ARHGAP31: variants seen among roughly 807,000 people sequenced by gnomAD.
ARHGAP31 encodes rho GTPase-activating protein 31.
ARHGAP31 carries 34 observed loss-of-function variants against 113.9 expected under a neutral mutation model. The observed-to-expected ratio is 0.30, with a 90% CI of 0.23 to 0.40. The LOEUF (loss-of-function observed/expected upper bound fraction) is 0.40. ARHGAP31 is among the 10% of genes least tolerant of loss of function. The pLI is 1.00. For synonymous variants in ARHGAP31, 650 were observed against 684.8 expected, an observed-to-expected ratio of 0.95 and a Z score of 0.79; for missense variants, 1,548 against 1,767.1, an observed-to-expected ratio of 0.88 and a Z score of 2.22.
intron 1 of ARHGAP31, among the ~76,000 whole-genome samples, chr3:119,323,298 A>T (rs2079809784): frequency 6.6e-6 from 1 of 151,684 alleles, no homozygotes; most frequent in South Asian, 2.1e-4. Context: ...CCCCAGGGAC[A>T]GCCGCCGGCC....
rs1255380892 is a variant in ARHGAP31, at chr3:119,349,337, G to A, written c.101-15979G>A. ...AATAGTGTCCAGAAACCTAGACACT[G>A]CAGCAGAGCTTGGTGTCCCATTTTT... On this transcript the variant is annotated intron_variant, in intron 1 of 11. Coordinates refer to ENST00000264245, the MANE Select transcript of ARHGAP31 (RefSeq NM_020754.4). Among the ~76,000 whole-genome samples the A allele has an allele frequency of 2.0e-5, 3 of 152,178 alleles. No homozygotes were observed. In the East Asian group the frequency reaches 5.8e-4, roughly 29 times the overall value.
At chr3:119,357,042 C>T (rs1368039851) in intron 1 of ARHGAP31, among the ~76,000 whole-genome samples, 3 of 152,222 alleles carry the variant, frequency 2.0e-5, no homozygotes, top group African/African-American at 7.2e-5. Context: ...TTCCCATAGC[C>T]TTGCCAACAC....
At chr3:119,412,613 G>A (rs2080726259) in intron 11 of ARHGAP31, among the ~76,000 whole-genome samples, 3 of 152,302 alleles carry the variant, frequency 2.0e-5, no homozygotes, top group South Asian at 4.1e-4. Context: ...TCCCCATCAT[G>A]TTAACAGTGG....
chr3:119,346,296 A>G (rs1227863120), intron 1 of ARHGAP31, among the ~76,000 whole-genome samples: 1 of 152,220 alleles, frequency 6.6e-6, no homozygotes, highest in African/African-American at 2.4e-5. Flanking sequence ...AGAACAATAA[A>G]CAAACCCCTC....
At chr3:119,337,357 G>A (rs2079964368) in intron 1 of ARHGAP31, among the ~76,000 whole-genome samples, 1 of 152,138 alleles carries the variant, frequency 6.6e-6, no homozygotes, top group Non-Finnish European at 1.5e-5. Context: ...TCCTCCCGGT[G>A]GCTTCATGCT....
At chr3:119,357,256 C>G (rs550241947) in intron 1 of ARHGAP31, among the ~76,000 whole-genome samples, 2 of 152,156 alleles carry the variant, frequency 1.3e-5, no homozygotes, top group South Asian at 4.1e-4. Context: ...GAGGCTTGAG[C>G]TGAATCCCAA....
intron 3 of ARHGAP31, among the ~76,000 whole-genome samples, chr3:119,369,618 G>C (rs972281832): frequency 6.6e-6 from 1 of 152,198 alleles, no homozygotes; most frequent in Non-Finnish European, 1.5e-5. Context: ...TCTTAAAAAT[G>C]GGCTTGGGCT....
intron 10 of ARHGAP31, among the ~76,000 whole-genome samples, chr3:119,407,367 G>GAAAGA (rs1553767481): frequency 1.4e-4 from 18 of 130,328 alleles, no homozygotes; most frequent in Non-Finnish European, 2.3e-4. Context: ...AAGAAAGAAA[G>GAAAGA]AAAAAAAAAA....
chr3:119,316,321 T>C (rs1432436312), intron 1 of ARHGAP31, among the ~76,000 whole-genome samples: 1 of 152,222 alleles, frequency 6.6e-6, no homozygotes, highest in Non-Finnish European at 1.5e-5. Context: ...AATCTCCCAG[T>C]GCAGTACTGA....
At chr3:119,311,509 A>G (rs748475124) in intron 1 of ARHGAP31, among the ~76,000 whole-genome samples, 4 of 152,224 alleles carry the variant, frequency 2.6e-5, no homozygotes, top group Non-Finnish European at 5.9e-5. Context: ...CCCTTCTGCC[A>G]TATAAGGTAA....
At chr3:119,329,539 AAAG>A (rs1213846564) in intron 1 of ARHGAP31, among the ~76,000 whole-genome samples, 1 of 152,172 alleles carries the variant, frequency 6.6e-6, no homozygotes, top group Non-Finnish European at 1.5e-5. Context: ...AGTTCTGAAA[AAAG>A]AAGTTTCTCT....
At chr3:119,411,826 C>T (rs781610297) in intron 11 of ARHGAP31, among the ~76,000 whole-genome samples, 1 of 152,010 alleles carries the variant, frequency 6.6e-6, no homozygotes, top group African/African-American at 2.4e-5. Context: ...TTATTGAGCC[C>T]CCATTCACAG....
chr3:119,329,924 TAAAC>T (rs1432566692), intron 1 of ARHGAP31: 6 of 985,312 alleles, frequency 6.1e-6, no homozygotes, highest in African/African-American at 1.7e-5. Context: ...CCTGTCTGGG[TAAAC>T]AAACAAAGAC....
At chr3:119,380,180 C>T (rs950745437) in intron 3 of ARHGAP31, among the ~76,000 whole-genome samples, 3 of 152,158 alleles carry the variant, frequency 2.0e-5, no homozygotes, top group South Asian at 2.1e-4. Flanking sequence ...TCAGGGACAA[C>T]GCTCTTATCC....
intron 7 of ARHGAP31, among the ~76,000 whole-genome samples, chr3:119,391,525 A>T (rs549091803): frequency 6.6e-6 from 1 of 151,690 alleles, no homozygotes; most frequent in African/African-American, 2.4e-5. Flanking sequence ...CATTGTTTTC[A>T]TTGGTAGAAT....
At chr3:119,373,614 C>A in intron 3 of ARHGAP31, among the ~76,000 whole-genome samples, 1 of 152,166 alleles carries the variant, frequency 6.6e-6, no homozygotes, top group South Asian at 2.1e-4. Context: ...CAGGCACCCG[C>A]CACCATGCCC....
chr3:119,405,809 A>T (rs1267775117), intron 10 of ARHGAP31, among the ~76,000 whole-genome samples: 2 of 152,178 alleles, frequency 1.3e-5, no homozygotes, highest in Non-Finnish European at 2.9e-5. Context: ...GTAGCCACCA[A>T]ATCTGTCAGC....
At chr3:119,384,098 A>C (rs2080427269) in intron 6 of ARHGAP31, among the ~76,000 whole-genome samples, 1 of 152,160 alleles carries the variant, frequency 6.6e-6, no homozygotes, top group South Asian at 2.1e-4. Flanking sequence ...TATCTGCAAT[A>C]TATTTTTTAG....
chr3:119,332,661 ACACACACACACACACG>A (rs2079905508), intron 1 of ARHGAP31, among the ~76,000 whole-genome samples: 1 of 147,340 alleles, frequency 6.8e-6, no homozygotes, highest in African/African-American at 2.6e-5. Flanking sequence ...ACACACACAC[ACACACACACACACACG>A]CATGCACGCA....
Sources: allele counts gnomAD v4.1 joint callset (sites outside exome capture counted in the v4.1 genomes callset), GRCh38; gene constraint gnomAD v4.1.1; transcripts MANE v1.5; gene names NCBI Gene and HGNC (gene_info 2026-07-23, HGNC 2026-07-21).